The following ADAMTS2 variants were observed in gnomAD, a reference collection of about 807,000 sequenced individuals.
ADAMTS2 encodes the protein ADAM metallopeptidase with thrombospondin type 1 motif 2.
In ADAMTS2, 50 loss-of-function variants were observed where a neutral mutation model predicts 123.0. The observed-to-expected ratio is 0.41, with a 90% CI of 0.32 to 0.51. The LOEUF (loss-of-function observed/expected upper bound fraction) is 0.51. Among genes scored for constraint, ADAMTS2 ranks in the 20% least tolerant of loss-of-function variants. The probability of loss-of-function intolerance (pLI) is 0.35; values close to 1 mark genes in which losing one functional copy is unlikely to be tolerated. For missense variants in ADAMTS2, 1,494 were observed against 1,705.2 expected (o/e 0.88, Z 2.18); for synonymous variants, 678 against 695.4 (o/e 0.98, Z 0.39).
chr5:179,321,600 T>TC (rs1757180654), intron 2 of ADAMTS2, among the ~76,000 whole-genome samples: 1 of 151,860 alleles, frequency 6.6e-6, no homozygotes, highest in Non-Finnish European at 1.5e-5. Flanking sequence ...AGCACTTCCT[T>TC]CCCCTTCTGC....
chr5:179,313,989 G>C (rs1458894096), intron 2 of ADAMTS2, among the ~76,000 whole-genome samples: 2 of 151,860 alleles, frequency 1.3e-5, no homozygotes, highest in Non-Finnish European at 2.9e-5. Context: ...CACCGAGACA[G>C]AGGAGGGCCT....
At chr5:179,126,246 G>A in intron 17 of ADAMTS2, 116 bp from the exon 18 acceptor site, 2 of 1,441,786 alleles carry the variant, frequency 1.4e-6, no homozygotes, top group Non-Finnish European at 1.9e-6. Flanking sequence ...CCCTTGTGAT[G>A]ACAATAAGGG....
At chr5:179,146,488 G>C (rs1035669096) in intron 10 of ADAMTS2, among the ~76,000 whole-genome samples, 1 of 152,168 alleles carries the variant, frequency 6.6e-6, no homozygotes, top group Non-Finnish European at 1.5e-5. Flanking sequence ...TGCCGTGGAC[G>C]CCCTGACTGC....
chr5:179,301,963 C>T (rs961303816), intron 2 of ADAMTS2, among the ~76,000 whole-genome samples: 31 of 152,320 alleles, frequency 2.0e-4, no homozygotes, highest in Admixed American at 2.0e-4. Flanking sequence ...CTGCACACCT[C>T]GCCCCTGGGT....
chr5:179,180,503 A>G lies in ADAMTS2; in HGVS notation c.975+569T>C, dbSNP rs1179349468. On this transcript the variant is annotated intron_variant, in intron 5 of 21. Transcript: ENST00000251582. The surrounding 1 kb of genome is among the most constrained non-coding windows in gnomAD (Gnocchi z 4.6). ...CCGCTAAGTGGTAACCAATCTTTAG[A>G]GACAGGAAACAACTCATCCATGAGC... Among the ~76,000 whole-genome samples, 2 of 152,202 alleles carry G rather than the reference A, an allele frequency of 1.3e-5. No individual in the cohort carries two copies. The highest frequency in any genetic ancestry group is 2.9e-5 in the Non-Finnish European group (2 of 68,032).
Position 179,344,172 on chromosome 5 carries a change from A to C in ADAMTS2, c.140-11T>G. The C allele has an allele frequency of 6.3e-7, 1 of 1,590,276 alleles. No homozygotes were observed. The highest frequency in any genetic ancestry group is 1.1e-5 in the South Asian group (1 of 88,256). ...GCCCCAGGGGCCCGCCTGCAACGGG[A>C]AGGGGCGTTAGATCGGCGGAGACCA... On this transcript the variant is annotated splice_polypyrimidine_tract_variant and intron_variant, in intron 1 of 21. Coordinates refer to ENST00000251582, the MANE Select transcript of ADAMTS2 (RefSeq NM_014244.5).
At chr5:179,209,527 C>T (rs1764799297) in intron 3 of ADAMTS2, among the ~76,000 whole-genome samples, 1 of 150,802 alleles carries the variant, frequency 6.6e-6, no homozygotes, top group African/African-American at 2.4e-5. Context: ...CACATGCACA[C>T]ACACACACAT....
Position 179,189,510 on chromosome 5 carries a change from GTTTTTTT to G in ADAMTS2, c.892-8362_892-8356del, listed in dbSNP as rs146295427. ...CTACAGGCGCCCGCCAGTGCGCCTGGTTTTTTTTTTTTTTTTTTTTTTTTTTTTAGTA... is the reference window on the plus strand; with the variant it reads ...CTACAGGCGCCCGCCAGTGCGCCTGGTTTTTTTTTTTTTTTTTTTTTAGTA... On this transcript the variant is annotated intron_variant, in intron 4 of 21. Transcript: ENST00000251582. This position sits in a 1 kb window ranked among gnomAD's most constrained non-coding sequence, Gnocchi z 4.2. 2.5e-5 allele frequency among the ~76,000 whole-genome samples: 2 copies of G among 78,948 alleles called. No homozygotes were observed. The highest frequency in any genetic ancestry group is 8.9e-5 in the African/African-American group (2 of 22,366). The allele number at this position is 78,948 out of a possible 152,430, so 51.8% of individuals were successfully genotyped here. A position where few individuals can be genotyped will look rare whatever the true frequency, so the allele number is the denominator to read the frequency against.
At chr5:179,326,909 G>A (rs1447908586) in intron 2 of ADAMTS2, among the ~76,000 whole-genome samples, 2 of 152,100 alleles carry the variant, frequency 1.3e-5, no homozygotes, top group East Asian at 1.9e-4. Context: ...AGAAATGACC[G>A]TTCCAAAGCC....
rs565598351 is a variant in ADAMTS2 at position 179,256,727 on chromosome 5, T to C, written c.688+16184A>G. Among the ~76,000 whole-genome samples the C allele has an allele frequency of 6.6e-6, 1 of 152,328 alleles. No homozygotes were observed. The highest frequency in any genetic ancestry group is 2.1e-4 in the South Asian group (1 of 4,826). On this transcript the variant is annotated intron_variant, in intron 3 of 21. Transcript: ENST00000251582. This position sits in a 1 kb window ranked among gnomAD's most constrained non-coding sequence, Gnocchi z 4.1. Reference sequence around the variant, plus strand: ...CACAGAGCCTCCCACCCAGTGCTGCTGGCAGGAACACGCCCAGGGTGGCCA... The same window carrying C: ...CACAGAGCCTCCCACCCAGTGCTGCCGGCAGGAACACGCCCAGGGTGGCCA...
chr5:179,123,135 A>G (rs1375153633), intron 19 of ADAMTS2, among the ~76,000 whole-genome samples: 1 of 152,210 alleles, frequency 6.6e-6, no homozygotes, highest in Non-Finnish European at 1.5e-5. Flanking sequence ...GAGGTGGGGC[A>G]CTGGGAAAGC....
At chr5:179,206,316 T>TG in intron 4 of ADAMTS2, among the ~76,000 whole-genome samples, 1 of 152,202 alleles carries the variant, frequency 6.6e-6, no homozygotes, top group East Asian at 1.9e-4. Context: ...ACCAGGGCCC[T>TG]GGGGACTCTG....
At chr5:179,213,869 G>C (rs1561809255) in intron 3 of ADAMTS2, among the ~76,000 whole-genome samples, 1 of 152,240 alleles carries the variant, frequency 6.6e-6, no homozygotes, top group African/African-American at 2.4e-5. Context: ...CTGGTGCAAG[G>C]AAGGAGAGAC....
chr5:179,137,659 C>T (rs1763088000), intron 12 of ADAMTS2, 110 bp downstream of exon 12: 1 of 1,442,292 alleles, frequency 6.9e-7, no homozygotes, highest in Non-Finnish European at 9.4e-7. Flanking sequence ...CCTGCCAGCC[C>T]AGGGTCGCGG....
chr5:179,328,246 A>G (rs533827037), intron 2 of ADAMTS2, among the ~76,000 whole-genome samples: 43 of 152,304 alleles, frequency 2.8e-4, no homozygotes, highest in South Asian at 1.9e-3. Context: ...GTTAGCCAGG[A>G]TGGTCTCGAT....
chr5:179,154,715 A>C (rs1763434898), intron 7 of ADAMTS2, 99 bp downstream of exon 7: 10 of 1,015,138 alleles, frequency 9.9e-6, no homozygotes, highest in Non-Finnish European at 1.5e-5. Context: ...GCTTTGACAC[A>C]GGGCGTGTCC....
At position 179,343,927 on chromosome 5, in the gene ADAMTS2, C is replaced by T. The variant is rs771734975; in HGVS notation, c.374G>A (p.Arg125Gln). 2.5e-6 allele frequency: 4 copies of T among 1,608,590 alleles called. No homozygotes were observed. The African/African-American group carries it at 4.0e-5, about 16-fold the overall frequency. ...GGGCGCCACGAGGCGGGCGTTGGGCCGCAGCCGCAGGTGCAGGTCTCGGCC... is the reference window on the plus strand; with the variant it reads ...GGGCGCCACGAGGCGGGCGTTGGGCTGCAGCCGCAGGTGCAGGTCTCGGCC... ...VFGRDLHLRLRPNARLVAPGA... is the reference protein window; with the variant it reads ...VFGRDLHLRLQPNARLVAPGA... Residue 125 changes from arginine to glutamine, a missense_variant, in exon 2 of 22, where the codon CGG becomes CAG. Physicochemically the swap from Arg to Gln is conservative, Grantham distance 43. Transcript: ENST00000251582.
Position 179,192,978 on chromosome 5 carries a change from C to T in ADAMTS2, c.892-11823G>A, listed in dbSNP as rs192067069. ...CCGCACGCGCCTTCTCCCACCCCAG[C>T]GGGCTCCCAGGGTGGCCGAGGGCTG... On this transcript the variant is annotated intron_variant, in intron 4 of 21. Coordinates refer to ENST00000251582, the MANE Select transcript of ADAMTS2 (RefSeq NM_014244.5). Among the ~76,000 whole-genome samples, 1,035 of 152,332 alleles carry T rather than the reference C, an allele frequency of 6.8e-3. 9 individuals carry two copies. Among genetic ancestry groups the T allele is most frequent in the South Asian group, 0.012 (56 of 4,826 alleles).
intron 5 of ADAMTS2, among the ~76,000 whole-genome samples, chr5:179,167,580 C>G (rs1486343821): frequency 6.6e-6 from 1 of 151,954 alleles, no homozygotes; most frequent in Admixed American, 6.5e-5. Context: ...CCGCTGGAAC[C>G]GCGCCCGCCC....
Sources: allele counts gnomAD v4.1 joint callset (sites outside exome capture counted in the v4.1 genomes callset), GRCh38; gene constraint gnomAD v4.1.1; non-coding constraint Gnocchi (gnomAD v3.1); transcripts MANE v1.5; gene names NCBI Gene and HGNC (gene_info 2026-07-23, HGNC 2026-07-21).